MBNL1: variants seen among roughly 807,000 people sequenced by gnomAD.
MBNL1 encodes muscleblind like splicing regulator 1.
MBNL1 carries 8 observed loss-of-function variants against 42.2 expected under a neutral mutation model. The ratio of observed to expected loss-of-function variants is 0.19; its 90% confidence interval spans 0.11 to 0.34. The LOEUF (loss-of-function observed/expected upper bound fraction) is 0.34, where lower values mean the gene tolerates loss of function less well. Among genes scored for constraint, MBNL1 ranks in the 10% least tolerant of loss-of-function variants. MBNL1 has a pLI of 1.00. For missense variants in MBNL1, 309 were observed against 495.3 expected (o/e 0.62, Z 3.57); for synonymous variants, 169 against 173.9 (o/e 0.97, Z 0.22).
intron 2 of MBNL1, among the ~76,000 whole-genome samples, chr3:152,366,015 G>C (rs1021927263): frequency 6.6e-6 from 1 of 152,074 alleles, no homozygotes; most frequent in Non-Finnish European, 1.5e-5. Context: ...ACACAATACT[G>C]ACATTTCAGG....
At chr3:152,369,304 G>A (rs1441847191) in intron 2 of MBNL1, among the ~76,000 whole-genome samples, 2 of 152,150 alleles carry the variant, frequency 1.3e-5, no homozygotes, top group Non-Finnish European at 2.9e-5. Context: ...TTATGTGATG[G>A]ATTACGTTTA....
chr3:152,341,353 T>C (rs2152835586), intron 2 of MBNL1, among the ~76,000 whole-genome samples: 1 of 152,330 alleles, frequency 6.6e-6, no homozygotes, highest in Non-Finnish European at 1.5e-5. Flanking sequence ...ATGTAAATTA[T>C]GAATTCTCTT....
chr3:152,272,020 T>C (rs1054528441), intron 1 of MBNL1, among the ~76,000 whole-genome samples: 1 of 150,424 alleles, frequency 6.6e-6, no homozygotes, highest in African/African-American at 2.5e-5. Flanking sequence ...TCTTACTAGA[T>C]TAACTTCACC....
At chr3:152,406,769 C>T (rs2098439468) in intron 2 of MBNL1, among the ~76,000 whole-genome samples, 1 of 152,026 alleles carries the variant, frequency 6.6e-6, no homozygotes, top group South Asian at 2.1e-4. Flanking sequence ...AGAATCTTCA[C>T]CATTAAACTT....
At chr3:152,447,311 T>C (rs758611894) in intron 5 of MBNL1, among the ~76,000 whole-genome samples, 2 of 152,112 alleles carry the variant, frequency 1.3e-5, no homozygotes, top group South Asian at 4.1e-4. Flanking sequence ...TTTTCCCAAA[T>C]CAATGGCTTC....
chr3:152,432,601 A>C, intron 3 of MBNL1, 116 bp from the exon 4 acceptor site: 5 of 824,200 alleles, frequency 6.1e-6, no homozygotes, highest in Non-Finnish European at 1.0e-5. Context: ...ATTAAAGGGA[A>C]GGAGGGAAGG....
At position 152,349,974 on chromosome 3, in the gene MBNL1, T is replaced by A. The variant is rs566250305; in HGVS notation, c.174+49607T>A. On this transcript the variant is annotated intron_variant, in intron 2 of 9. Coordinates refer to ENST00000324210, the MANE Select transcript of MBNL1 (RefSeq NM_021038.5). The stretch of plus-strand genomic sequence containing the variant: ...AGAACATGTAATTGGTTTGGGAGGG[T>A]TGAATTTAAGGAAAAACATCTGAAA... Among the ~76,000 whole-genome samples, 5 of 152,118 alleles carry A rather than the reference T, an allele frequency of 3.3e-5. No homozygotes were observed. In the South Asian group the frequency reaches 1.0e-3, roughly 32 times the overall value.
intron 2 of MBNL1, among the ~76,000 whole-genome samples, chr3:152,305,034 C>T (rs2062348446): frequency 6.6e-6 from 1 of 152,146 alleles, no homozygotes; most frequent in African/African-American, 2.4e-5. Context: ...CTCATGAAAT[C>T]TTGCTTCACT....
In MBNL1 at chr3:152,319,684, T is replaced by C. The variant is rs1221916107; in HGVS notation, c.174+19317T>C. 2.0e-5 allele frequency among the ~76,000 whole-genome samples: 3 copies of C among 146,416 alleles called. No homozygotes were observed. In the East Asian group the frequency reaches 6.0e-4, roughly 29 times the overall value. ...CAAAAAAATGCATGTGTATACATTA[T>C]GCTTATTATAAAATTTACTAATAAA... On this transcript the variant is annotated intron_variant, in intron 2 of 9. Transcript: ENST00000324210.
intron 4 of MBNL1, among the ~76,000 whole-genome samples, chr3:152,443,179 AAC>A (rs1491505225): frequency 5.5e-5 from 1 of 18,186 alleles, no homozygotes; most frequent in Non-Finnish European, 1.5e-4. Context: ...AACCTGTAGA[AAC>A]CCCCCCCCCC....
rs541138746 is a variant in MBNL1 at position 152,324,700 on chromosome 3, T to C, written c.174+24333T>C. Among the ~76,000 whole-genome samples, 28 of 152,248 alleles carry C rather than the reference T, an allele frequency of 1.8e-4. 1 individual carries two copies. The South Asian group carries it at 5.8e-3, about 32-fold the overall frequency. On this transcript the variant is annotated intron_variant, in intron 2 of 9. Transcript: ENST00000324210. ...TTTTATTTCCAGATATTTTGTTGTTTAAAACCCTAAGAACATCACTCACTA... is the reference window on the plus strand; with the variant it reads ...TTTTATTTCCAGATATTTTGTTGTTCAAAACCCTAAGAACATCACTCACTA...
chr3:152,461,452 A>T (rs1745717632), intron 9 of MBNL1, among the ~76,000 whole-genome samples: 1 of 152,194 alleles, frequency 6.6e-6, no homozygotes, highest in Non-Finnish European at 1.5e-5. Flanking sequence ...TCAAGCTCTT[A>T]TAGTCAATTA....
chr3:152,404,673 T>G (rs990888844), intron 2 of MBNL1, among the ~76,000 whole-genome samples: 11 of 151,678 alleles, frequency 7.3e-5, no homozygotes, highest in Admixed American at 2.0e-4. Context: ...TAATTTTATG[T>G]GTTTGTATGT....
At chr3:152,330,753 TTC>T (rs1266548094) in intron 2 of MBNL1, among the ~76,000 whole-genome samples, 1 of 152,226 alleles carries the variant, frequency 6.6e-6, no homozygotes, top group Non-Finnish European at 1.5e-5. Context: ...AGTATAATTG[TTC>T]TGTTTTATTA....
chr3:152,397,621 G>A (rs2098027961), intron 2 of MBNL1, among the ~76,000 whole-genome samples: 3 of 151,970 alleles, frequency 2.0e-5, no homozygotes, highest in Admixed American at 6.6e-5. Flanking sequence ...AAATAATAAA[G>A]CGCTGATAAT....
At chr3:152,299,139 A>C (rs2059785424) in intron 1 of MBNL1, 2 of 152,636 alleles carry the variant, frequency 1.3e-5, no homozygotes, top group African/African-American at 4.8e-5. Context: ...TTCTGCCCAG[A>C]ATATTGCTGC....
chr3:152,317,503 ATAGATGAG>A (rs1255292460), intron 2 of MBNL1, among the ~76,000 whole-genome samples: 2 of 151,962 alleles, frequency 1.3e-5, no homozygotes, highest in African/African-American at 2.4e-5. Flanking sequence ...TATTTTTTGT[ATAGATGAG>A]GTTTCAGCAT....
intron 2 of MBNL1, among the ~76,000 whole-genome samples, chr3:152,395,010 C>T (rs942810113): frequency 6.6e-6 from 1 of 152,052 alleles, no homozygotes; most frequent in Non-Finnish European, 1.5e-5. Flanking sequence ...AAACATGCAC[C>T]ACCACGCCAG....
At chr3:152,446,579 G>T in intron 5 of MBNL1, 2 of 668,682 alleles carry the variant, frequency 3.0e-6, no homozygotes, top group Non-Finnish European at 2.7e-6. Flanking sequence ...TTTTTTATTT[G>T]TTTTTTCTCA....
Sources: gnomAD v4.1 joint callset for allele counts (sites outside exome capture counted in the v4.1 genomes callset) on GRCh38, gnomAD v4.1.1 for gene constraint, MANE v1.5 for transcripts, NCBI Gene and HGNC (gene_info 2026-07-23, HGNC 2026-07-21) for gene names.